The following MCF2L variants were observed in gnomAD, a reference collection of about 807,000 sequenced individuals.
MCF2L encodes the protein guanine nucleotide exchange factor DBS.
A neutral mutation model predicts 153.4 loss-of-function variants in MCF2L; 97 were observed. The ratio of observed to expected loss-of-function variants is 0.63; its 90% CI spans 0.54 to 0.75. MCF2L has a LOEUF of 0.75. Among genes scored for constraint, MCF2L ranks in the 30% least tolerant of loss-of-function variants. The pLI is 0.00. For missense variants in MCF2L, 1,347 were observed against 1,495.2 expected (o/e 0.90, Z 1.64); for synonymous variants, 659 against 632.2 (o/e 1.04, Z -0.64).
At position 113,084,799 on chromosome 13, in the gene MCF2L, C is replaced by T. The variant is rs140622270; in HGVS notation, c.2062-93C>T. On this transcript the variant is annotated intron_variant, in intron 18 of 29. Transcript: ENST00000535094. ...GGAAGACGCTGCGTGATGCGGTGCC[C>T]GTCCCTCACCGCGTAATGCGGTGCC... The T allele has an allele frequency of 1.2e-3, 1,098 of 917,950 alleles. 1 individual carries two copies. Among genetic ancestry groups the T allele is most frequent in the Non-Finnish European group, 1.7e-3 (940 of 567,174 alleles). 56.9% of individuals were successfully genotyped at this position (917,950 alleles called of 1,614,324 possible).
chr13:113,051,213 C>T (rs1390409085), intron 4 of MCF2L, among the ~76,000 whole-genome samples: 2 of 152,172 alleles, frequency 1.3e-5, no homozygotes, highest in African/African-American at 4.8e-5. Flanking sequence ...GCGCGTTCAC[C>T]AACCGCCGAT....
intron 26 of MCF2L, 195 bp from the exon 27 acceptor site, chr13:113,094,319 A>C (rs2035466721): frequency 4.7e-6 from 2 of 429,080 alleles, no homozygotes; most frequent in Admixed American, 8.5e-5. Context: ...CAAACCCTGA[A>C]ACGTGCCAGG....
chr13:113,051,597 G>A (rs941749120), intron 4 of MCF2L, among the ~76,000 whole-genome samples: 12 of 149,812 alleles, frequency 8.0e-5, no homozygotes, highest in African/African-American at 3.0e-4. Context: ...CGGGCGGCAC[G>A]AGCCACTTTG....
intron 21 of MCF2L, among the ~76,000 whole-genome samples, 189 bp downstream of exon 21, chr13:113,086,438 G>A (rs1027413701): frequency 9.2e-5 from 14 of 151,988 alleles, no homozygotes; most frequent in Non-Finnish European, 1.8e-4. Flanking sequence ...CCCCACAGCC[G>A]GGTCCACAGA....
At position 113,035,648 on chromosome 13, in the gene MCF2L, G is replaced by T. The variant is rs1170185144; in HGVS notation, c.279-9623G>T. 6.6e-6 allele frequency among the ~76,000 whole-genome samples: 1 copy of T among 152,176 alleles called. No homozygotes were observed. The highest frequency in any genetic ancestry group is 1.5e-5 in the Non-Finnish European group (1 of 68,046). On this transcript the variant is annotated intron_variant, in intron 3 of 29. Coordinates refer to ENST00000535094, the MANE Select transcript of MCF2L (RefSeq NM_001112732.3). The surrounding 1 kb of genome is among the most constrained non-coding windows in gnomAD (Gnocchi z 4.4). The stretch of plus-strand genomic sequence containing the variant: ...CGGCCGCCTCCATGGATTCGGGTGG[G>T]CACAGGTCCTGCAGGGAGCTCCTGT...
At position 112,907,997 on chromosome 13, in the gene MCF2L, A is replaced by G. The variant is rs2081189530; in HGVS notation, c.169+5626A>G. On this transcript the variant is annotated intron_variant, in intron 2 of 29. Coordinates refer to the MCF2L transcript ENST00000375608. The surrounding 1 kb of genome is among the most constrained non-coding windows in gnomAD (Gnocchi z 5.1). The stretch of plus-strand genomic sequence containing the variant: ...AACTTCTTGTTTTCAACCTTTCCTG[A>G]TTCCTCAGCATCTTTCTACTTGGAC... 6.6e-6 allele frequency among the ~76,000 whole-genome samples: 1 copy of G among 152,134 alleles called. No individual in the cohort carries two copies. The highest frequency in any genetic ancestry group is 1.5e-5 in the Non-Finnish European group (1 of 68,040).
At chr13:112,908,758 G>C (rs1477486936) in intron 2 of MCF2L, among the ~76,000 whole-genome samples, 1 of 137,882 alleles carries the variant, frequency 7.3e-6, no homozygotes, top group Admixed American at 7.3e-5. Flanking sequence ...TTTTGAGACA[G>C]AGTCTCACTC....
At position 112,941,801 on chromosome 13, in the gene MCF2L, T is replaced by G. The variant is rs960113693; in HGVS notation, c.169+39430T>G. 1.3e-5 allele frequency among the ~76,000 whole-genome samples: 2 copies of G among 152,174 alleles called. No individual in the cohort carries two copies. The highest frequency in any genetic ancestry group is 2.9e-5 in the Non-Finnish European group (2 of 68,040). ...TAGCAATTACTCTTTATTCCAATATTATAATAATCCTTGCTCTACAATCAT... is the reference window on the plus strand; with the variant it reads ...TAGCAATTACTCTTTATTCCAATATGATAATAATCCTTGCTCTACAATCAT... On this transcript the variant is annotated intron_variant, in intron 2 of 29. Transcript: ENST00000375608. The surrounding 1 kb of genome is among the most constrained non-coding windows in gnomAD (Gnocchi z 4.9).
chr13:113,083,880 G>A, intron 17 of MCF2L, 118 bp from the exon 18 acceptor site: 1 of 781,764 alleles, frequency 1.3e-6, no homozygotes. Flanking sequence ...AAGTCATGCG[G>A]GGCAGATTGC....
Position 112,915,869 on chromosome 13 carries a change from TTTGTTG to T in MCF2L, c.169+13516_169+13521del, listed in dbSNP as rs533153029. 1.9e-3 allele frequency among the ~76,000 whole-genome samples: 283 copies of T among 152,020 alleles called. 2 individuals are homozygous for T. Among genetic ancestry groups the T allele is most frequent in the Middle Eastern group, 3.4e-3 (1 of 294 alleles). ...CTGGCCTTCAGGCTGAGATGGGTAC[TTTGTTG>T]TTGTTGTTGTTGTTGTTTTAATTTT... On this transcript the variant is annotated intron_variant, in intron 2 of 29. Transcript: ENST00000375608.
chr13:112,934,331 C>T (rs11618476), intron 2 of MCF2L, among the ~76,000 whole-genome samples: 27,808 of 152,262 alleles, frequency 0.18, 2,592 homozygotes, highest in South Asian at 0.23. Flanking sequence ...GAGGGACCTG[C>T]CCTGAGCCAG....
Position 112,941,831 on chromosome 13 carries a change from T to C in MCF2L, c.169+39460T>C, listed in dbSNP as rs1466639588. On this transcript the variant is annotated intron_variant, in intron 2 of 29. Coordinates refer to the MCF2L transcript ENST00000375608. This position sits in a 1 kb window ranked among gnomAD's most constrained non-coding sequence, Gnocchi z 4.9. ...TAATCCTTGCTCTACAATCATAACC[T>C]AGGAAAAACCAGGCCATACAGAGAT... Among the ~76,000 whole-genome samples the C allele has an allele frequency of 6.6e-6, 1 of 152,146 alleles. No homozygotes were observed. Among genetic ancestry groups the C allele is most frequent in the Non-Finnish European group, 1.5e-5 (1 of 68,028 alleles).
At position 113,087,378 on chromosome 13, in the gene MCF2L, G is replaced by T; in HGVS notation, c.2517G>T (p.Val839=). ...ACCTGTTCCTGCACGAGAAGGCAGT[G>T]CTCTTCTGCAAGAAGAGGGAGGAGA... is the stretch of plus-strand genomic sequence containing the variant. ...QRHLFLHEKA[V]LFCKKREENG... Residue 839 remains valine, a synonymous_variant, in exon 22 of 30, where the codon GTG becomes GTT. Transcript: ENST00000535094. 1 of 1,613,390 alleles carries T rather than the reference G, an allele frequency of 6.2e-7. No homozygotes were observed. Among genetic ancestry groups the T allele is most frequent in the Non-Finnish European group, 8.5e-7 (1 of 1,179,990 alleles).
At chr13:112,923,923 T>C (rs1377769022) in intron 2 of MCF2L, among the ~76,000 whole-genome samples, 1 of 152,238 alleles carries the variant, frequency 6.6e-6, no homozygotes, top group East Asian at 1.9e-4. Context: ...AGGCCAGTTA[T>C]GTTGTAGAAC....
At chr13:113,063,301 C>G (rs1390257297) in intron 5 of MCF2L, among the ~76,000 whole-genome samples, 3 of 152,052 alleles carry the variant, frequency 2.0e-5, no homozygotes, top group Admixed American at 6.5e-5. Context: ...CCCACAATGT[C>G]CAGGCGCCCC....
rs529777889 is a variant in MCF2L at position 113,049,124 on chromosome 13, C to G, written c.369+3763C>G. Among the ~76,000 whole-genome samples the G allele has an allele frequency of 2.6e-5, 4 of 152,280 alleles. No individual in the cohort carries two copies. The South Asian group carries it at 8.3e-4, about 32-fold the overall frequency. On this transcript the variant is annotated intron_variant, in intron 4 of 29. Transcript: ENST00000535094. ...ATGATGATGGTGGACATTGGATGGG[C>G]CAGGAGACATGGAGCTCACAGCCCT...
intron 18 of MCF2L, 131 bp from the exon 19 acceptor site, chr13:113,084,761 C>T: frequency 1.4e-6 from 1 of 729,188 alleles, no homozygotes; most frequent in East Asian, 2.5e-5. Flanking sequence ...AGCAGCAATG[C>T]CTCGCAGGGC....
At chr13:113,044,718 G>A in intron 3 of MCF2L, 1 of 1,612,940 alleles carries the variant, frequency 6.2e-7, no homozygotes. Context: ...TGTGGTCTCT[G>A]TCACAGATGT....
In MCF2L at chr13:113,096,416, C is replaced by G. The variant is rs1311786331; in HGVS notation, c.3121C>G (p.Pro1041Ala). ...CGTGGCGGACCACGAGAAGGGAGGCCCCGATGCGCTGCGCGTGAGGAGCGG... is the reference window on the plus strand; with the variant it reads ...CGTGGCGGACCACGAGAAGGGAGGCGCCGATGCGCTGCGCGTGAGGAGCGG... The part of the protein sequence containing the change: ...TVVADHEKGG[P>A]DALRVRSGDV... Residue 1041 changes from proline (P) to alanine (A), a missense_variant, in exon 28 of 30, where the codon CCC becomes GCC. Physicochemically the swap from Pro to Ala is conservative, Grantham distance 27. Around this residue, in one of 3 missense-constraint regions of MCF2L, gnomAD observed 383 missense variants for 335.4 expected, o/e 1.14. Coordinates refer to ENST00000535094, the MANE Select transcript of MCF2L (RefSeq NM_001112732.3). 2 of 1,595,652 alleles carry G rather than the reference C, an allele frequency of 1.3e-6. No individual in the cohort carries two copies. The highest frequency in any genetic ancestry group is 1.7e-6 in the Non-Finnish European group (2 of 1,172,366).
Sources: allele counts gnomAD v4.1 joint callset (sites outside exome capture counted in the v4.1 genomes callset), GRCh38; gene constraint gnomAD v4.1.1; regional missense constraint gnomAD v4.1.1; non-coding constraint Gnocchi (gnomAD v3.1); transcripts MANE v1.5; gene names NCBI Gene and HGNC (gene_info 2026-07-23, HGNC 2026-07-21).